The following SEPTIN10 variants were observed in gnomAD, a reference collection of about 807,000 sequenced individuals.
The protein encoded by SEPTIN10 is septin-10.
In SEPTIN10, 66 loss-of-function variants were observed where a neutral mutation model predicts 54.8. The ratio of observed to expected loss-of-function variants is 1.21; its 90% CI spans 0.99 to 1.48. The LOEUF is 1.48. Ranked by LOEUF, SEPTIN10 falls within the 40% of genes most tolerant of loss-of-function variation. The probability of loss-of-function intolerance (pLI) is 0.00; values close to 1 mark genes in which losing one functional copy is unlikely to be tolerated. For missense variants in SEPTIN10, 620 were observed against 545.6 expected, an observed-to-expected ratio of 1.14 and a Z score of -1.36; for synonymous variants, 161 against 181.0, an observed-to-expected ratio of 0.89 and a Z score of 0.89.
At chr2:109,544,563 T>C in intron 10 of SEPTIN10, 1 of 983,132 alleles carries the variant, frequency 1.0e-6, no homozygotes, top group Non-Finnish European at 1.2e-6. Context: ...TGGAGCAGGG[T>C]GATAATTTTT....
intron 8 of SEPTIN10, among the ~76,000 whole-genome samples, chr2:109,562,376 C>CT (rs1685889092): frequency 2.0e-5 from 3 of 152,038 alleles, no homozygotes; most frequent in Admixed American, 2.0e-4. Flanking sequence ...ACCTGCCCCC[C>CT]TCCCCCAACT....
chr2:109,579,026 A>C (rs2105576684), intron 4 of SEPTIN10, among the ~76,000 whole-genome samples: 1 of 152,314 alleles, frequency 6.6e-6, no homozygotes, highest in African/African-American at 2.4e-5. Flanking sequence ...TAAATTGACA[A>C]CACTTTGTCA....
At chr2:109,601,513 G>C (rs1696587036) in intron 1 of SEPTIN10, among the ~76,000 whole-genome samples, 1 of 151,982 alleles carries the variant, frequency 6.6e-6, no homozygotes, top group South Asian at 2.1e-4. Context: ...CAGCTTACTG[G>C]CCATTTCTCC....
chr2:109,563,038 G>A (rs1218780872), intron 8 of SEPTIN10, among the ~76,000 whole-genome samples: 1 of 152,006 alleles, frequency 6.6e-6, no homozygotes, highest in Non-Finnish European at 1.5e-5. Context: ...AGCCTCCTGA[G>A]TAGCTGGTTT....
At chr2:109,609,681 C>G (rs1698812627) in intron 1 of SEPTIN10, among the ~76,000 whole-genome samples, 1 of 144,226 alleles carries the variant, frequency 6.9e-6, no homozygotes, top group Non-Finnish European at 1.5e-5. Flanking sequence ...GAAAGTAAAA[C>G]AAATGAGAAG....
intron 8 of SEPTIN10, among the ~76,000 whole-genome samples, chr2:109,558,802 A>G (rs967089824): frequency 1.3e-5 from 2 of 152,198 alleles, no homozygotes; most frequent in Non-Finnish European, 1.5e-5. Context: ...AGATAGATAT[A>G]ATACTGAGGG....
intron 1 of SEPTIN10, among the ~76,000 whole-genome samples, chr2:109,612,012 A>T (rs1699363768): frequency 6.6e-6 from 1 of 152,208 alleles, no homozygotes; most frequent in African/African-American, 2.4e-5. Flanking sequence ...ACTTATGCTT[A>T]CATTATGAGT....
At position 109,543,488 on chromosome 2, in the gene SEPTIN10, T is replaced by C. The variant is rs978699050; in HGVS notation, c.*821A>G. ...CAAAAGCTTAAGATCATATCACCAA[T>C]TGGGTAATTGTATAAAAAATTTTTA... On this transcript the variant is annotated 3_prime_UTR_variant, in exon 11 of 11. Coordinates refer to ENST00000397712, the MANE Select transcript of SEPTIN10 (RefSeq NM_144710.5). 6.6e-6 allele frequency: 1 copy of C among 152,156 alleles called. No homozygotes were observed. The highest frequency in any genetic ancestry group is 1.5e-5 in the Non-Finnish European group (1 of 68,004). 9.4% of individuals were successfully genotyped at this position (152,156 alleles called of 1,614,324 possible).
chr2:109,563,692 A>G, intron 8 of SEPTIN10, among the ~76,000 whole-genome samples: 1 of 152,224 alleles, frequency 6.6e-6, no homozygotes, highest in East Asian at 1.9e-4. Flanking sequence ...ACACTGTAAT[A>G]TGGCAAGAAA....
intron 8 of SEPTIN10, among the ~76,000 whole-genome samples, chr2:109,563,863 G>A (rs757222981): frequency 1.3e-5 from 2 of 152,096 alleles, no homozygotes; most frequent in Non-Finnish European, 2.9e-5. Flanking sequence ...GCTCACATTT[G>A]TAATCCCAAA....
chr2:109,599,484 A>C (rs1488325354), intron 1 of SEPTIN10, among the ~76,000 whole-genome samples: 1 of 150,808 alleles, frequency 6.6e-6, no homozygotes, highest in Non-Finnish European at 1.5e-5. Context: ...AAAAGAACTC[A>C]AGTGAAATTA....
At chr2:109,574,275 C>CAA (rs1172542846) in intron 5 of SEPTIN10, among the ~76,000 whole-genome samples, 3 of 131,076 alleles carry the variant, frequency 2.3e-5, no homozygotes, top group South Asian at 2.4e-4. Context: ...TCCAACTCCA[C>CAA]AAAAAAAAAA....
intron 2 of SEPTIN10, among the ~76,000 whole-genome samples, chr2:109,591,704 C>T (rs1439818592): frequency 6.6e-6 from 1 of 152,076 alleles, no homozygotes; most frequent in South Asian, 2.1e-4. Flanking sequence ...CAAGACCAGC[C>T]TGGCCAACAC....
In SEPTIN10 at chr2:109,546,052, C is replaced by T; in HGVS notation, c.1347G>A (p.Lys449=). The change falls in exon 10 of 11, where the codon AAG becomes AAA. Residue 449 remains lysine, a splice_region_variant and synonymous_variant. Transcript: ENST00000397712. ...GGGAGGGTGGCTGGGCCTCTTACTT[C>T]TTACGGTCCTTGTCCTTCCTCAGGT... ...GSNLRKDKDR[K]NSNFL is the part of the protein sequence containing the mutation. 1 of 1,572,016 alleles carries T rather than the reference C, an allele frequency of 6.4e-7. No individual in the cohort carries two copies. Among genetic ancestry groups the T allele is most frequent in the Non-Finnish European group, 8.6e-7 (1 of 1,163,712 alleles).
At chr2:109,572,041 T>C (rs1293077128) in intron 5 of SEPTIN10, among the ~76,000 whole-genome samples, 3 of 152,252 alleles carry the variant, frequency 2.0e-5, no homozygotes, top group Admixed American at 6.5e-5. Flanking sequence ...GTGCTTCATA[T>C]ATGCCAGGCA....
rs981033474 is a variant in SEPTIN10 at position 109,545,959 on chromosome 2, G to A, written c.1349+91C>T. On this transcript the variant is annotated intron_variant, in intron 10 of 10. Coordinates refer to ENST00000397712, the MANE Select transcript of SEPTIN10 (RefSeq NM_144710.5). ...GTTGGAGAAGGAAGACAAAGCATAA[G>A]GAAGCAGAAGTAAGAAGCGCTAGGA... 4 of 1,484,032 alleles carry A rather than the reference G, an allele frequency of 2.7e-6. No individual in the cohort carries two copies. In the African/African-American group the frequency reaches 5.7e-5, roughly 21 times the overall value. The allele number at this position is 1,484,032 out of a possible 1,614,324, so 91.9% of individuals were successfully genotyped here. A position where few individuals can be genotyped will look rare whatever the true frequency, so the allele number is the denominator to read the frequency against.
intron 1 of SEPTIN10, among the ~76,000 whole-genome samples, chr2:109,611,229 C>G (rs926110527): frequency 1.3e-5 from 2 of 152,098 alleles, no homozygotes; most frequent in African/African-American, 4.8e-5. Flanking sequence ...AACTATAAAA[C>G]TTTTAGGAAA....
At chr2:109,553,884 T>C (rs1683726525) in intron 8 of SEPTIN10, among the ~76,000 whole-genome samples, 1 of 152,044 alleles carries the variant, frequency 6.6e-6, no homozygotes, top group Non-Finnish European at 1.5e-5. Flanking sequence ...ACAATAAACT[T>C]TCAAAAATAC....
chr2:109,566,632 A>G (rs1419808996), intron 6 of SEPTIN10, among the ~76,000 whole-genome samples: 2 of 152,144 alleles, frequency 1.3e-5, no homozygotes, highest in Admixed American at 1.3e-4. Flanking sequence ...AATTAATGTC[A>G]ATATAGTAAA....
Sources: gnomAD v4.1 joint callset for allele counts (sites outside exome capture counted in the v4.1 genomes callset) on GRCh38, gnomAD v4.1.1 for gene constraint, MANE v1.5 for transcripts, NCBI Gene and HGNC (gene_info 2026-07-23, HGNC 2026-07-21) for gene names.